The following DLGAP3 variants were observed in gnomAD, a reference collection of about 807,000 sequenced individuals.
DLGAP3 encodes the protein DLG associated protein 3.
In DLGAP3, 17 loss-of-function variants were observed where a neutral mutation model predicts 81.2. The observed-to-expected ratio is 0.21, with a 90% CI of 0.14 to 0.31. The LOEUF is 0.31. Ranked by LOEUF, DLGAP3 falls within the 10% of genes least tolerant of loss-of-function variation. The pLI, the probability that DLGAP3 is intolerant of heterozygous loss-of-function variation, is 1.00. For synonymous variants in DLGAP3, 577 were observed against 587.4 expected, an observed-to-expected ratio of 0.98 and a Z score of 0.26; for missense variants, 1,124 against 1,388.0, an observed-to-expected ratio of 0.81 and a Z score of 3.02.
intron 1 of DLGAP3, among the ~76,000 whole-genome samples, chr1:34,909,135 C>T (rs183581806): frequency 9.2e-4 from 140 of 152,362 alleles, no homozygotes; most frequent in African/African-American, 3.0e-3. Context: ...TAGAGCCTCA[C>T]AGAACTTCCC....
At chr1:34,887,472 G>A (rs985419547) in intron 5 of DLGAP3, among the ~76,000 whole-genome samples, 12 of 151,868 alleles carry the variant, frequency 7.9e-5, no homozygotes, top group South Asian at 4.2e-4. Context: ...GAACTGTGCC[G>A]CACACCACCA....
rs1638868663 is a variant in DLGAP3 at position 34,866,020 on chromosome 1, C to G, written c.*63G>C. On this transcript the variant is annotated 3_prime_UTR_variant, in exon 12 of 12. Coordinates refer to ENST00000373347, the MANE Select transcript of DLGAP3 (RefSeq NM_001080418.3). ...CGGCCCGCGTTCACAGTGACCTCGA[C>G]GCTGGGTGTACAGTACGGGTGGAGA... is the stretch of plus-strand genomic sequence containing the variant. 4 of 1,418,380 alleles carry G rather than the reference C, an allele frequency of 2.8e-6. No individual in the cohort carries two copies. The highest frequency in any genetic ancestry group is 1.2e-5 in the South Asian group (1 of 83,426). 87.9% of individuals were successfully genotyped at this position (1,418,380 alleles called of 1,614,324 possible). A position where few individuals can be genotyped will look rare whatever the true frequency, so the allele number is the denominator to read the frequency against.
chr1:34,925,774 C>G lies in DLGAP3; in HGVS notation c.-135+3677G>C, dbSNP rs186570145. Among the ~76,000 whole-genome samples the G allele has an allele frequency of 9.6e-3, 1,467 of 152,170 alleles. 22 individuals are homozygous for G. The highest frequency in any genetic ancestry group is 0.026 in the South Asian group (127 of 4,812). Reference sequence around the variant, plus strand: ...TTTGGGAGCTGGGAGCTTGGGCCCCCGACACCATCCCCAGCCCACTTCCAC... The same window carrying G: ...TTTGGGAGCTGGGAGCTTGGGCCCCGGACACCATCCCCAGCCCACTTCCAC... On this transcript the variant is annotated intron_variant, in intron 1 of 11. Coordinates refer to ENST00000373347, the MANE Select transcript of DLGAP3 (RefSeq NM_001080418.3).
intron 6 of DLGAP3, 60 bp from the exon 7 acceptor site, chr1:34,885,851 G>A: frequency 2.2e-6 from 3 of 1,344,088 alleles, no homozygotes; most frequent in African/African-American, 1.5e-5. Flanking sequence ...CTGGGTCCTG[G>A]GCCCGCGCCC....
chr1:34,900,169 C>G lies in DLGAP3; in HGVS notation c.1212G>C (p.Glu404Asp). 1 of 1,614,146 alleles carries G rather than the reference C, an allele frequency of 6.2e-7. No individual in the cohort carries two copies. Among genetic ancestry groups the G allele is most frequent in the Non-Finnish European group, 8.5e-7 (1 of 1,180,042 alleles). The stretch of plus-strand genomic sequence containing the variant: ...GGCTGCCGTCTGAGTCTCCGCTCTC[C>G]TCATCCCCCATGGCTTTGATGTAGC... ...SGSYIKAMGD[E>D]ESGDSDGSPK... Residue 404 changes from glutamate to aspartate, a missense_variant, in exon 4 of 12, where the codon GAG (glutamate) becomes GAC (aspartate). Physicochemically the swap from Glu to Asp is conservative, Grantham distance 45. This residue lies in a region of DLGAP3 where 357 missense variants were observed against 408.8 expected (regional missense o/e 0.87). Transcript: ENST00000373347. This position sits in a 1 kb window ranked among gnomAD's most constrained non-coding sequence, Gnocchi z 5.6.
chr1:34,873,990 A>G lies in DLGAP3; in HGVS notation c.2001-4901T>C, dbSNP rs1639015161. Reference sequence around the variant, plus strand: ...TTCTTTCCCAATCTCCCTACCAACTAAATGTAGCCATGTGCCTAAGTTCTA... The same window carrying G: ...TTCTTTCCCAATCTCCCTACCAACTGAATGTAGCCATGTGCCTAAGTTCTA... On this transcript the variant is annotated intron_variant, in intron 8 of 11. Coordinates refer to ENST00000373347, the MANE Select transcript of DLGAP3 (RefSeq NM_001080418.3). The surrounding 1 kb of genome is among the most constrained non-coding windows in gnomAD (Gnocchi z 4.2). 6.6e-6 allele frequency among the ~76,000 whole-genome samples: 1 copy of G among 152,222 alleles called. No homozygotes were observed. The highest frequency in any genetic ancestry group is 2.4e-5 in the African/African-American group (1 of 41,446).
At chr1:34,908,711 A>T (rs1639595110) in intron 1 of DLGAP3, among the ~76,000 whole-genome samples, 1 of 152,208 alleles carries the variant, frequency 6.6e-6, no homozygotes, top group Non-Finnish European at 1.5e-5. Flanking sequence ...ACAATGAAGA[A>T]GACTGTGGTT....
At position 34,902,073 on chromosome 1, in the gene DLGAP3, T is replaced by C. The variant is rs1639468728; in HGVS notation, c.1108-1800A>G. 6.6e-6 allele frequency among the ~76,000 whole-genome samples: 1 copy of C among 151,542 alleles called. No individual in the cohort carries two copies. The highest frequency in any genetic ancestry group is 1.5e-5 in the Non-Finnish European group (1 of 67,898). On this transcript the variant is annotated intron_variant, in intron 3 of 11. Coordinates refer to ENST00000373347, the MANE Select transcript of DLGAP3 (RefSeq NM_001080418.3). The surrounding 1 kb of genome is among the most constrained non-coding windows in gnomAD (Gnocchi z 4.4). Reference sequence around the variant, plus strand: ...GGGTGGCTGGGAATTTGGATGCGTCTAGAGAGATGCTGTCAGGAAGCTGAG... The same window carrying C: ...GGGTGGCTGGGAATTTGGATGCGTCCAGAGAGATGCTGTCAGGAAGCTGAG...
chr1:34,926,770 G>T (rs183449751), intron 1 of DLGAP3, among the ~76,000 whole-genome samples: 2 of 152,224 alleles, frequency 1.3e-5, no homozygotes, highest in East Asian at 3.9e-4. Flanking sequence ...TTTATCATTT[G>T]TCCTAGACTC....
chr1:34,900,058 C>A lies in DLGAP3; in HGVS notation c.1313+10G>T, dbSNP rs1639431682. 6.2e-7 allele frequency: 1 copy of A among 1,611,150 alleles called. No homozygotes were observed. The highest frequency in any genetic ancestry group is 1.7e-5 in the Admixed American group (1 of 59,930). ...CTGACCCCGCACCCCCCGGCCCTCC[C>A]TGTCCTTACTTGATCCTGGCCTGGT... On this transcript the variant is annotated intron_variant, in intron 4 of 11. Coordinates refer to ENST00000373347, the MANE Select transcript of DLGAP3 (RefSeq NM_001080418.3). The surrounding 1 kb of genome is among the most constrained non-coding windows in gnomAD (Gnocchi z 5.6).
chr1:34,894,332 T>C (rs1639355316), intron 5 of DLGAP3, among the ~76,000 whole-genome samples: 1 of 144,638 alleles, frequency 6.9e-6, no homozygotes, highest in Admixed American at 6.8e-5. Context: ...ACACAAACAG[T>C]TGAAAGTAAA....
intron 1 of DLGAP3, among the ~76,000 whole-genome samples, chr1:34,921,276 GAA>G (rs1303029893): frequency 6.6e-6 from 1 of 152,212 alleles, no homozygotes; most frequent in Non-Finnish European, 1.5e-5. Context: ...TGCTTTTTGG[GAA>G]AGAGTCTACG....
intron 4 of DLGAP3, 35 bp from the exon 5 acceptor site, chr1:34,899,776 G>A: frequency 6.3e-7 from 1 of 1,594,330 alleles, no homozygotes; most frequent in Non-Finnish European, 8.6e-7. Flanking sequence ...TCAGAACAGT[G>A]GACTGCTAGG....
intron 8 of DLGAP3, among the ~76,000 whole-genome samples, chr1:34,872,621 G>A (rs1638997408): frequency 6.6e-6 from 1 of 152,188 alleles, no homozygotes; most frequent in African/African-American, 2.4e-5. Context: ...ATACTAAGAA[G>A]AGGAGACTCT....
chr1:34,899,008 G>A (rs2148408918), intron 5 of DLGAP3, among the ~76,000 whole-genome samples: 1 of 152,232 alleles, frequency 6.6e-6, no homozygotes, highest in Non-Finnish European at 1.5e-5. Context: ...GGACAGAGGG[G>A]TAAGGTGGCA....
chr1:34,873,064 G>T lies in DLGAP3; in HGVS notation c.2001-3975C>A, dbSNP rs970988984. Among the ~76,000 whole-genome samples the T allele has an allele frequency of 1.3e-5, 2 of 152,238 alleles. No individual in the cohort carries two copies. The highest frequency in any genetic ancestry group is 2.9e-5 in the Non-Finnish European group (2 of 68,034). On this transcript the variant is annotated intron_variant, in intron 8 of 11. Transcript: ENST00000373347. This position sits in a 1 kb window ranked among gnomAD's most constrained non-coding sequence, Gnocchi z 4.2. Reference sequence around the variant, plus strand: ...TCTTCTAAGCACTTAGTATGTGCCAGGAGAAGCACTTTCCATGAATAAACA... The same window carrying T: ...TCTTCTAAGCACTTAGTATGTGCCATGAGAAGCACTTTCCATGAATAAACA...
At position 34,865,997 on chromosome 1, in the gene DLGAP3, GC is replaced by G. The variant is rs749852264; in HGVS notation, c.*85del. 30 of 1,217,730 alleles carry G rather than the reference GC, an allele frequency of 2.5e-5. No homozygotes were observed. Among genetic ancestry groups the G allele is most frequent in the Middle Eastern group, 4.3e-4 (2 of 4,692 alleles). 75.4% of individuals were successfully genotyped at this position (1,217,730 alleles called of 1,614,324 possible). ...GCCGGTGGGGCGGGCGCACGGGGCG[GC>G]CCGCGTTCACAGTGACCTCGACGCT... is the stretch of plus-strand genomic sequence containing the variant. On this transcript the variant is annotated 3_prime_UTR_variant, in exon 12 of 12. Coordinates refer to ENST00000373347, the MANE Select transcript of DLGAP3 (RefSeq NM_001080418.3).
At chr1:34,927,038 G>T (rs1639882976) in intron 1 of DLGAP3, among the ~76,000 whole-genome samples, 1 of 152,070 alleles carries the variant, frequency 6.6e-6, no homozygotes, top group Non-Finnish European at 1.5e-5. Context: ...GAAAGTCTGG[G>T]AGTCTGGCCT....
chr1:34,884,947 C>A (rs375364052), intron 8 of DLGAP3, 31 bp downstream of exon 8: 12 of 1,540,508 alleles, frequency 7.8e-6, no homozygotes, highest in African/African-American at 1.4e-5. Context: ...TGTCTCCCAG[C>A]GAAGCCTGGG....
Sources: allele counts gnomAD v4.1 joint callset (sites outside exome capture counted in the v4.1 genomes callset), GRCh38; gene constraint gnomAD v4.1.1; regional missense constraint gnomAD v4.1.1; non-coding constraint Gnocchi (gnomAD v3.1); transcripts MANE v1.5; gene names NCBI Gene and HGNC (gene_info 2026-07-23, HGNC 2026-07-21).